Variants in DNAH9 observed in about 807,000 individuals in gnomAD.
The protein encoded by DNAH9 is dynein axonemal heavy chain 9.
In DNAH9, 345 loss-of-function variants were observed where a neutral mutation model predicts 471.6. The observed-to-expected ratio is 0.73, with a 90% CI of 0.67 to 0.80. DNAH9 has a LOEUF of 0.80. Among genes scored for constraint, DNAH9 ranks in the 30% least tolerant of loss-of-function variants. DNAH9 has a pLI of 0.00. For missense variants in DNAH9, 5,407 were observed against 5,609.2 expected, an observed-to-expected ratio of 0.96 and a Z score of 1.15; for synonymous variants, 2,093 against 2,123.6, an observed-to-expected ratio of 0.99 and a Z score of 0.40.
intron 44 of DNAH9, among the ~76,000 whole-genome samples, chr17:11,809,790 CCATATAAGTATGTAAGTCTTA>C (rs1969824141): frequency 6.8e-6 from 1 of 146,220 alleles, no homozygotes; most frequent in African/African-American, 2.5e-5. Context: ...AGTAAGTCTT[CCATATAAGTATGTAAGTCTTA>C]CATATAAGAC....
At chr17:11,850,779 T>G (rs2150967254) in intron 49 of DNAH9, among the ~76,000 whole-genome samples, 1 of 152,276 alleles carries the variant, frequency 6.6e-6, no homozygotes, top group African/African-American at 2.4e-5. Flanking sequence ...CCCAGGGATT[T>G]TTTAAATTTT....
intron 26 of DNAH9, among the ~76,000 whole-genome samples, chr17:11,713,535 C>T (rs2074909601): frequency 6.6e-6 from 1 of 151,966 alleles, no homozygotes; most frequent in Non-Finnish European, 1.5e-5. Flanking sequence ...TATAAGTGTT[C>T]CCTTTTCTCC....
chr17:11,754,700 G>T (rs1434751509), intron 33 of DNAH9, among the ~76,000 whole-genome samples: 2 of 151,822 alleles, frequency 1.3e-5, no homozygotes, highest in Admixed American at 6.6e-5. Context: ...TCATAAATTT[G>T]CTTAAGTTCC....
chr17:11,847,812 G>A (rs1971279462), intron 49 of DNAH9, among the ~76,000 whole-genome samples: 1 of 152,038 alleles, frequency 6.6e-6, no homozygotes, highest in Non-Finnish European at 1.5e-5. Flanking sequence ...TCAATGGACT[G>A]CCTTTGCCCT....
intron 9 of DNAH9, among the ~76,000 whole-genome samples, chr17:11,637,183 T>C (rs1418184469): frequency 1.3e-5 from 2 of 152,204 alleles, no homozygotes; most frequent in African/African-American, 4.8e-5. Flanking sequence ...ACCATGCTTC[T>C]GGTGGGAGGA....
At chr17:11,741,854 A>C (rs1235403129) in intron 29 of DNAH9, among the ~76,000 whole-genome samples, 1 of 152,198 alleles carries the variant, frequency 6.6e-6, no homozygotes, top group Admixed American at 6.5e-5. Flanking sequence ...TGTAAGACAC[A>C]CTGAACTCAA....
In DNAH9 at chr17:11,598,851, G is replaced by A. The variant is rs768634682; in HGVS notation, c.353G>A (p.Gly118Asp). The A allele has an allele frequency of 1.2e-5, 18 of 1,531,334 alleles. No homozygotes were observed. In the South Asian group the frequency reaches 2.1e-4, roughly 18 times the overall value. 94.9% of individuals were successfully genotyped at this position (1,531,334 alleles called of 1,614,324 possible). A position where few individuals can be genotyped will look rare whatever the true frequency, so the allele number is the denominator to read the frequency against. ...PEPPGPDSFR[G>D]AVVCGDLPAA... ...CCTCCAGGGCCCGACAGCTTCCGCGGCGCAGTGGTCTGCGGGGACCTGCCC... is the reference window on the plus strand; with the variant it reads ...CCTCCAGGGCCCGACAGCTTCCGCGACGCAGTGGTCTGCGGGGACCTGCCC... Residue 118 changes from glycine (G) to aspartate (D), a missense_variant, in exon 1 of 69, where the codon GGC (glycine) becomes GAC (aspartate). Physicochemically the swap from Gly to Asp is moderately conservative, Grantham distance 94 (BLOSUM62 -1). This residue lies in a region of DNAH9 where 767 missense variants were observed against 692.5 expected (regional missense o/e 1.11). Coordinates refer to ENST00000262442, the MANE Select transcript of DNAH9 (RefSeq NM_001372.4).
At chr17:11,664,274 A>G (rs2150720313) in intron 14 of DNAH9, among the ~76,000 whole-genome samples, 1 of 150,356 alleles carries the variant, frequency 6.7e-6, no homozygotes, top group Admixed American at 6.6e-5. Context: ...GAAGGAGGGG[A>G]GAGAGAGAGA....
At chr17:11,658,205 T>C (rs2073689394) in intron 14 of DNAH9, among the ~76,000 whole-genome samples, 1 of 152,146 alleles carries the variant, frequency 6.6e-6, no homozygotes, top group African/African-American at 2.4e-5. Flanking sequence ...TGCAATGCTT[T>C]GTAGTTTTAG....
Position 11,967,592 on chromosome 17 carries a change from A to G in DNAH9, c.13234-1708A>G, listed in dbSNP as rs376511887. Among the ~76,000 whole-genome samples the G allele has an allele frequency of 1.2e-4, 19 of 152,354 alleles. No individual in the cohort carries two copies. The South Asian group carries it at 2.5e-3, about 20-fold the overall frequency. On this transcript the variant is annotated intron_variant, in intron 68 of 68. Transcript: ENST00000262442. ...ATTCTACTTAATCAGTGATTACATTAAATGTAAATGGATTAAGCAATACAA... is the reference window on the plus strand; with the variant it reads ...ATTCTACTTAATCAGTGATTACATTGAATGTAAATGGATTAAGCAATACAA...
chr17:11,833,798 T>C (rs1487020642), intron 48 of DNAH9, among the ~76,000 whole-genome samples: 1 of 152,176 alleles, frequency 6.6e-6, no homozygotes, highest in African/African-American at 2.4e-5. Flanking sequence ...TCAGTTTTTA[T>C]ATATGTTCTA....
intron 32 of DNAH9, among the ~76,000 whole-genome samples, chr17:11,748,506 C>G (rs561613702): frequency 6.6e-6 from 1 of 152,082 alleles, no homozygotes; most frequent in Non-Finnish European, 1.5e-5. Context: ...ATAAAGGGCA[C>G]GACTCCCCTA....
chr17:11,809,167 T>A (rs1222441870), intron 44 of DNAH9, among the ~76,000 whole-genome samples: 1 of 152,054 alleles, frequency 6.6e-6, no homozygotes, highest in Admixed American at 6.6e-5. Flanking sequence ...ATCTGCAGTT[T>A]TCAATGTATA....
At chr17:11,764,532 CT>C (rs1205105075) in intron 36 of DNAH9, among the ~76,000 whole-genome samples, 1 of 152,078 alleles carries the variant, frequency 6.6e-6, no homozygotes, top group East Asian at 1.9e-4. Flanking sequence ...CCATTGCTCC[CT>C]CCCCCAGCCA....
chr17:11,758,584 G>T (rs1597602612), intron 35 of DNAH9, among the ~76,000 whole-genome samples: 2 of 152,090 alleles, frequency 1.3e-5, no homozygotes, highest in African/African-American at 4.8e-5. Context: ...TCCTTGGCTT[G>T]TCAAGCATGG....
intron 6 of DNAH9, among the ~76,000 whole-genome samples, chr17:11,622,968 C>CT (rs10551080): frequency 1.9e-4 from 20 of 105,344 alleles, no homozygotes; most frequent in East Asian, 1.1e-3. Context: ...TTTTCTTTTT[C>CT]TTTTTTTTTT....
intron 27 of DNAH9, among the ~76,000 whole-genome samples, chr17:11,721,747 C>T (rs144232237): frequency 7.0e-4 from 107 of 152,058 alleles, no homozygotes; most frequent in African/African-American, 2.5e-3. Flanking sequence ...TTTGGAGGGA[C>T]AAAGGATATA....
At chr17:11,790,279 A>C (rs1272539419) in intron 41 of DNAH9, among the ~76,000 whole-genome samples, 1 of 151,952 alleles carries the variant, frequency 6.6e-6, no homozygotes, top group African/African-American at 2.4e-5. Flanking sequence ...ACGATATTTC[A>C]CTGTGATGGT....
chr17:11,900,600 C>T (rs1973377783), intron 59 of DNAH9, among the ~76,000 whole-genome samples: 1 of 151,814 alleles, frequency 6.6e-6, no homozygotes, highest in African/African-American at 2.4e-5. Context: ...CTTCTTTTTC[C>T]CTAAGCTAGG....
Sources: allele counts gnomAD v4.1 joint callset (sites outside exome capture counted in the v4.1 genomes callset), GRCh38; gene constraint gnomAD v4.1.1; regional missense constraint gnomAD v4.1.1; transcripts MANE v1.5; gene names NCBI Gene and HGNC (gene_info 2026-07-23, HGNC 2026-07-21).